CMIP: variants seen among roughly 807,000 people sequenced by gnomAD.
CMIP encodes the protein C-Maf-inducing protein.
Under a neutral mutation model 97.3 loss-of-function variants are expected in CMIP, and 13 were observed. That is an observed-to-expected ratio of 0.13 (90% CI 0.09 to 0.21). The LOEUF (loss-of-function observed/expected upper bound fraction) is 0.21, where lower values mean the gene tolerates loss of function less well. CMIP is among the 10% of genes least tolerant of loss of function. The pLI is 1.00. For synonymous variants in CMIP, 538 were observed against 436.3 expected, an observed-to-expected ratio of 1.23 and a Z score of -2.91; for missense variants, 847 against 1,024.9, an observed-to-expected ratio of 0.83 and a Z score of 2.37.
intron 1 of CMIP, among the ~76,000 whole-genome samples, chr16:81,515,142 G>T (rs1028958200): frequency 6.6e-6 from 1 of 152,198 alleles, no homozygotes; most frequent in Non-Finnish European, 1.5e-5. Context: ...GTGCCAGACC[G>T]TCTTCTCCCA....
At chr16:81,689,686 T>C (rs1905832367) in intron 10 of CMIP, among the ~76,000 whole-genome samples, 1 of 152,238 alleles carries the variant, frequency 6.6e-6, no homozygotes, top group South Asian at 2.1e-4. Context: ...ATTTTGGCTT[T>C]TGTTGCCATT....
chr16:81,568,559 T>C (rs2091025885), intron 1 of CMIP, among the ~76,000 whole-genome samples: 1 of 152,120 alleles, frequency 6.6e-6, no homozygotes. Context: ...GAAGGCCTGA[T>C]GGGGAGGAGG....
chr16:81,709,886 C>T lies in CMIP; in HGVS notation c.*87C>T, dbSNP rs1428510221. The T allele has an allele frequency of 2.8e-6, 4 of 1,414,006 alleles. No individual in the cohort carries two copies. The highest frequency in any genetic ancestry group is 3.9e-6 in the Non-Finnish European group (4 of 1,023,042). The allele number at this position is 1,414,006 out of a possible 1,614,324, so 87.6% of individuals were successfully genotyped here. A position where few individuals can be genotyped will look rare whatever the true frequency, so the allele number is the denominator to read the frequency against. ...CCGCAGAGCAGCCGGTCCTGGGGTC[C>T]CACCCTGGTGCCCTGGCTGTGAGAT... On this transcript the variant is annotated 3_prime_UTR_variant, in exon 21 of 21. Coordinates refer to ENST00000537098, the MANE Select transcript of CMIP (RefSeq NM_198390.3).
intron 1 of CMIP, among the ~76,000 whole-genome samples, chr16:81,446,930 C>T (rs2150724856): frequency 6.7e-6 from 1 of 149,192 alleles, no homozygotes; most frequent in South Asian, 2.1e-4. Flanking sequence ...CACCTATTTT[C>T]TCTTTCCTGT....
intron 1 of CMIP, among the ~76,000 whole-genome samples, chr16:81,523,003 C>T (rs1048350351): frequency 3.3e-5 from 5 of 151,998 alleles, no homozygotes; most frequent in African/African-American, 4.8e-5. Flanking sequence ...CACAGCTCAC[C>T]GCAGCTTTGA....
At chr16:81,548,160 G>T (rs1163274604) in intron 1 of CMIP, among the ~76,000 whole-genome samples, 4 of 142,360 alleles carry the variant, frequency 2.8e-5, no homozygotes, top group African/African-American at 7.9e-5. Context: ...TTGAGACAGG[G>T]TCTCCCTCTG....
intron 1 of CMIP, among the ~76,000 whole-genome samples, chr16:81,580,091 A>G (rs896270537): frequency 6.6e-6 from 1 of 152,260 alleles, no homozygotes; most frequent in African/African-American, 2.4e-5. Context: ...GGGGCTCCCA[A>G]GAGTTCATTC....
chr16:81,571,481 C>T (rs2091086429), intron 1 of CMIP, among the ~76,000 whole-genome samples: 1 of 150,512 alleles, frequency 6.6e-6, no homozygotes, highest in African/African-American at 2.5e-5. Context: ...TAGGAAAGAG[C>T]CCAGCGCAGT....
intron 1 of CMIP, among the ~76,000 whole-genome samples, chr16:81,541,809 G>A (rs986529518): frequency 6.6e-6 from 1 of 152,190 alleles, no homozygotes; most frequent in Non-Finnish European, 1.5e-5. Flanking sequence ...TCAGGCATCA[G>A]GCATGCGTTT....
At chr16:81,472,412 G>A (rs942219954) in intron 1 of CMIP, among the ~76,000 whole-genome samples, 2 of 152,208 alleles carry the variant, frequency 1.3e-5, no homozygotes, top group Admixed American at 6.5e-5. Flanking sequence ...CTGGCCGCCC[G>A]TTCTGGTATC....
At chr16:81,682,496 C>G (rs941955263) in intron 10 of CMIP, among the ~76,000 whole-genome samples, 1 of 151,648 alleles carries the variant, frequency 6.6e-6, no homozygotes, top group Non-Finnish European at 1.5e-5. Context: ...ACCCGGGAGG[C>G]GGAGGTTGCA....
chr16:81,608,899 C>T (rs749244879), intron 2 of CMIP, among the ~76,000 whole-genome samples: 14 of 152,140 alleles, frequency 9.2e-5, no homozygotes, highest in African/African-American at 2.9e-4. Flanking sequence ...TTCTCTTAGC[C>T]CAAAGAGATG....
intron 1 of CMIP, among the ~76,000 whole-genome samples, chr16:81,600,423 C>T (rs950668632): frequency 3.9e-5 from 6 of 152,120 alleles, no homozygotes; most frequent in African/African-American, 9.7e-5. Context: ...GAAAGGAATG[C>T]GGTTCCGACT....
intron 1 of CMIP, among the ~76,000 whole-genome samples, chr16:81,466,429 G>C (rs1396759619): frequency 6.6e-6 from 1 of 152,198 alleles, no homozygotes; most frequent in Non-Finnish European, 1.5e-5. Context: ...GGGATGTGCA[G>C]TTGCTGTGTT....
rs149646571 is a variant in CMIP at position 81,565,349 on chromosome 16, C to T, written c.301-42218C>T. Among the ~76,000 whole-genome samples the T allele has an allele frequency of 4.5e-3, 682 of 152,312 alleles. 5 individuals are homozygous for T. The highest frequency in any genetic ancestry group is 0.01 in the Middle Eastern group (3 of 294). On this transcript the variant is annotated intron_variant, in intron 1 of 20. Transcript: ENST00000537098. ...GTTCCAGATGCAGATCCCAGCAGCC[C>T]AACTCCAGGAGTTGTTGGCAAGCAG...
chr16:81,659,344 T>C (rs1460769303), intron 5 of CMIP, among the ~76,000 whole-genome samples: 1 of 151,892 alleles, frequency 6.6e-6, no homozygotes, highest in Non-Finnish European at 1.5e-5. Flanking sequence ...GGCCAAGGGC[T>C]GAGGTTTGTT....
At chr16:81,551,804 T>A (rs1310888503) in intron 1 of CMIP, among the ~76,000 whole-genome samples, 2 of 152,202 alleles carry the variant, frequency 1.3e-5, no homozygotes, top group African/African-American at 4.8e-5. Context: ...TGTGGACAGT[T>A]CCCCTGGATG....
chr16:81,697,991 G>GCCCCCCCCCCC (rs747163023), intron 14 of CMIP: 1 of 138,032 alleles, frequency 7.2e-6, no homozygotes, highest in Non-Finnish European at 1.6e-5. Flanking sequence ...GCTCAGCTGC[G>GCCCCCCCCCCC]CCCCCCCGCC....
chr16:81,662,550 G>C (rs2092558620), intron 6 of CMIP, among the ~76,000 whole-genome samples: 1 of 152,192 alleles, frequency 6.6e-6, no homozygotes. Flanking sequence ...CCAGAGAGGA[G>C]AGCTTGAGGG....
Sources: gnomAD v4.1 joint callset for allele counts (sites outside exome capture counted in the v4.1 genomes callset) on GRCh38, gnomAD v4.1.1 for gene constraint, MANE v1.5 for transcripts, NCBI Gene and HGNC (gene_info 2026-07-23, HGNC 2026-07-21) for gene names.